CDH10: variants seen among roughly 807,000 people sequenced by gnomAD.
CDH10 encodes cadherin-10.
CDH10 carries 30 observed loss-of-function variants against 73.1 expected under a neutral mutation model. That is an observed-to-expected ratio of 0.41 (90% CI 0.31 to 0.56). The LOEUF (loss-of-function observed/expected upper bound fraction) is 0.56, where lower values mean the gene tolerates loss of function less well. Among genes scored for constraint, CDH10 ranks in the 20% least tolerant of loss-of-function variants. The pLI is 0.27. For synonymous variants in CDH10, 345 were observed against 348.2 expected, an observed-to-expected ratio of 0.99 and a Z score of 0.10; for missense variants, 815 against 973.7, an observed-to-expected ratio of 0.84 and a Z score of 2.17.
chr5:24,487,651 A>G lies in CDH10; in HGVS notation c.*12T>C, dbSNP rs750729632. 5 of 1,603,394 alleles carry G rather than the reference A, an allele frequency of 3.1e-6. No homozygotes were observed. In the South Asian group the frequency reaches 5.6e-5, roughly 18 times the overall value. Reference sequence around the variant, plus strand: ...TTACTTTCTCTTGTTTGAACAGAACATATATCCTACGTTAAGAGTCTTTGT... The same window carrying G: ...TTACTTTCTCTTGTTTGAACAGAACGTATATCCTACGTTAAGAGTCTTTGT... On this transcript the variant is annotated 3_prime_UTR_variant, in exon 12 of 12. Coordinates refer to ENST00000264463, the MANE Select transcript of CDH10 (RefSeq NM_006727.5).
intron 8 of CDH10, among the ~76,000 whole-genome samples, chr5:24,501,478 T>G (rs1300264273): frequency 6.6e-6 from 1 of 152,156 alleles, no homozygotes; most frequent in African/African-American, 2.4e-5. Flanking sequence ...TCAAACTGAA[T>G]AGCAGCTGGC....
At chr5:24,579,722 A>C (rs1745725740) in intron 2 of CDH10, among the ~76,000 whole-genome samples, 1 of 152,116 alleles carries the variant, frequency 6.6e-6, no homozygotes, top group South Asian at 2.1e-4. Context: ...CTGCAGCTCA[A>C]GAAATATTTA....
chr5:24,543,901 A>C (rs1319788088), intron 2 of CDH10, among the ~76,000 whole-genome samples: 1 of 152,182 alleles, frequency 6.6e-6, no homozygotes, highest in African/African-American at 2.4e-5. Flanking sequence ...CTGGCAATAT[A>C]GTCCTCCAAG....
intron 2 of CDH10, among the ~76,000 whole-genome samples, chr5:24,591,222 T>C (rs1003768495): frequency 1.3e-5 from 2 of 151,958 alleles, no homozygotes; most frequent in East Asian, 1.9e-4. Context: ...ATTAATACAA[T>C]AGTATAGTAT....
chr5:24,586,867 C>T (rs1195396920), intron 2 of CDH10, among the ~76,000 whole-genome samples: 1 of 67,590 alleles, frequency 1.5e-5, no homozygotes, highest in Non-Finnish European at 2.7e-5. Context: ...TTTTTTGAGC[C>T]GGAGTCTCGC....
At chr5:24,614,063 A>T (rs1747048539) in intron 1 of CDH10, among the ~76,000 whole-genome samples, 1 of 152,140 alleles carries the variant, frequency 6.6e-6, no homozygotes, top group Non-Finnish European at 1.5e-5. Context: ...CAGACAGATA[A>T]AGAACATAGT....
chr5:24,562,684 G>A (rs17520214), intron 2 of CDH10, among the ~76,000 whole-genome samples: 56,083 of 151,898 alleles, frequency 0.37, 12,328 homozygotes, highest in East Asian at 0.58. Flanking sequence ...ATATTTCCCT[G>A]TAAGTTAAAC....
intron 1 of CDH10, among the ~76,000 whole-genome samples, chr5:24,641,785 A>G (rs1240393527): frequency 1.3e-5 from 2 of 152,088 alleles, no homozygotes; most frequent in Non-Finnish European, 1.5e-5. Context: ...TCTATTCCAG[A>G]CATGACTGTT....
At chr5:24,618,208 C>A (rs919769137) in intron 1 of CDH10, among the ~76,000 whole-genome samples, 2 of 152,142 alleles carry the variant, frequency 1.3e-5, no homozygotes, top group South Asian at 2.1e-4. Flanking sequence ...GATGTAAAAT[C>A]ATTTAACATG....
At chr5:24,626,062 GC>G (rs1261007760) in intron 1 of CDH10, among the ~76,000 whole-genome samples, 1 of 151,980 alleles carries the variant, frequency 6.6e-6, no homozygotes, top group African/African-American at 2.4e-5. Flanking sequence ...AAACATTTGT[GC>G]TTATAATGCT....
chr5:24,544,214 A>G (rs1363642459), intron 2 of CDH10, among the ~76,000 whole-genome samples: 7 of 152,066 alleles, frequency 4.6e-5, no homozygotes, highest in Non-Finnish European at 4.4e-5. Flanking sequence ...GAATCTCTTG[A>G]ACTGGGGAGG....
At position 24,491,756 on chromosome 5, in the gene CDH10, C is replaced by T. The variant is rs1231212974; in HGVS notation, c.1696G>A (p.Val566Met). The change falls in exon 11 of 12, where the codon GTG becomes ATG. Residue 566 changes from valine (V) to methionine (M), a missense_variant. Around this residue, in one of 3 missense-constraint regions of CDH10, gnomAD observed 516 missense variants for 636.6 expected, o/e 0.81. Transcript: ENST00000264463. ...RHEISTYLLPVVISDNDYPIQ... is the reference protein window; with the variant it reads ...RHEISTYLLPMVISDNDYPIQ... ...GGGTAATCATTGTCTGATATCACCA[C>T]AGGCAAGAGATAGGTACTGATTTCA... 3.7e-6 allele frequency: 6 copies of T among 1,611,456 alleles called. No homozygotes were observed. Among genetic ancestry groups the T allele is most frequent in the Non-Finnish European group, 4.2e-6 (5 of 1,177,636 alleles).
In CDH10 at chr5:24,525,075, T is replaced by C. The variant is rs562090465; in HGVS notation, c.814+10037A>G. Among the ~76,000 whole-genome samples, 6 of 152,142 alleles carry C rather than the reference T, an allele frequency of 3.9e-5. No individual in the cohort carries two copies. The South Asian group carries it at 1.2e-3, about 31-fold the overall frequency. ...AAGCGACTTTGGAGGAAAGATATAATAGGTGATTTAAGAGATGTGACATAG... is the reference window on the plus strand; with the variant it reads ...AAGCGACTTTGGAGGAAAGATATAACAGGTGATTTAAGAGATGTGACATAG... On this transcript the variant is annotated intron_variant, in intron 5 of 11. Transcript: ENST00000264463.
intron 2 of CDH10, among the ~76,000 whole-genome samples, chr5:24,576,041 A>G (rs1404025831): frequency 1.3e-5 from 2 of 152,138 alleles, no homozygotes; most frequent in Non-Finnish European, 2.9e-5. Context: ...TCATTCCTGC[A>G]TATCGGTTTC....
chr5:24,568,983 A>G (rs1397855648), intron 2 of CDH10, among the ~76,000 whole-genome samples: 2 of 151,746 alleles, frequency 1.3e-5, no homozygotes, highest in Non-Finnish European at 2.9e-5. Flanking sequence ...GGTGGCAGGC[A>G]CCTGTAATCC....
chr5:24,615,778 C>T (rs1324749376), intron 1 of CDH10, among the ~76,000 whole-genome samples: 5 of 152,160 alleles, frequency 3.3e-5, no homozygotes, highest in Non-Finnish European at 5.9e-5. Flanking sequence ...GAAATTAAAT[C>T]ATATATGCAA....
At chr5:24,621,542 G>A (rs1016108656) in intron 1 of CDH10, among the ~76,000 whole-genome samples, 5 of 152,164 alleles carry the variant, frequency 3.3e-5, no homozygotes, top group Non-Finnish European at 4.4e-5. Context: ...AGAGTATATT[G>A]CATGTAATAA....
chr5:24,519,335 G>T (rs1743226907), intron 5 of CDH10, among the ~76,000 whole-genome samples: 1 of 126,678 alleles, frequency 7.9e-6, no homozygotes, highest in Non-Finnish European at 1.8e-5. Context: ...AGTTTGAAAG[G>T]GATTTCTAAA....
At chr5:24,570,516 C>T (rs563256549) in intron 2 of CDH10, among the ~76,000 whole-genome samples, 1 of 152,234 alleles carries the variant, frequency 6.6e-6, no homozygotes, top group South Asian at 2.1e-4. Context: ...GATTGCATCA[C>T]TGCCCAACTG....
Sources: allele counts gnomAD v4.1 joint callset (sites outside exome capture counted in the v4.1 genomes callset), GRCh38; gene constraint gnomAD v4.1.1; regional missense constraint gnomAD v4.1.1; transcripts MANE v1.5; gene names NCBI Gene and HGNC (gene_info 2026-07-23, HGNC 2026-07-21).